The following DGKI variants were observed in gnomAD, a reference collection of about 807,000 sequenced individuals.
DGKI encodes the protein diacylglycerol kinase iota.
Under a neutral mutation model 147.5 loss-of-function variants are expected in DGKI, and 55 were observed. The observed-to-expected ratio is 0.37, with a 90% CI of 0.30 to 0.47. The LOEUF is 0.47. Among genes scored for constraint, DGKI ranks in the 20% least tolerant of loss-of-function variants. DGKI has a pLI of 1.00. For synonymous variants in DGKI, 469 were observed against 477.1 expected (o/e 0.98, Z 0.22); for missense variants, 1,007 against 1,323.8 (o/e 0.76, Z 3.71).
chr7:137,648,385 A>T (rs1407548882), intron 5 of DGKI, among the ~76,000 whole-genome samples: 1 of 152,230 alleles, frequency 6.6e-6, no homozygotes, highest in Non-Finnish European at 1.5e-5. Context: ...CACTGTCCAT[A>T]AATCAACAAT....
intron 27 of DGKI, among the ~76,000 whole-genome samples, chr7:137,459,725 C>T (rs1814355261): frequency 6.6e-6 from 1 of 152,078 alleles, no homozygotes; most frequent in African/African-American, 2.4e-5. Context: ...CCACCCGCCT[C>T]AGCCTCCCAA....
chr7:137,495,502 C>CAAAAAA (rs34551145), intron 21 of DGKI, among the ~76,000 whole-genome samples: 3 of 57,388 alleles, frequency 5.2e-5, no homozygotes, highest in Non-Finnish European at 6.8e-5. Flanking sequence ...CTGGCAGAGA[C>CAAAAAA]AAAAAAAAAA....
At chr7:137,449,233 A>G (rs1813850971) in intron 27 of DGKI, among the ~76,000 whole-genome samples, 2 of 152,198 alleles carry the variant, frequency 1.3e-5, no homozygotes, top group Non-Finnish European at 2.9e-5. Flanking sequence ...CCTAACCTCA[A>G]AATATTTGAC....
chr7:137,839,033 C>T (rs866535323), intron 1 of DGKI, among the ~76,000 whole-genome samples: 46 of 152,308 alleles, frequency 3.0e-4, no homozygotes, highest in South Asian at 2.1e-4. Flanking sequence ...ATCAGCTTAT[C>T]CATTCCTGAC....
At chr7:137,516,657 A>G (rs1816755399) in intron 21 of DGKI, among the ~76,000 whole-genome samples, 1 of 152,064 alleles carries the variant, frequency 6.6e-6, no homozygotes, top group East Asian at 1.9e-4. Flanking sequence ...CACTGAATAA[A>G]TTATGTTATA....
chr7:137,412,218 C>T lies in DGKI; in HGVS notation c.2762-11G>A, dbSNP rs763185545. The stretch of plus-strand genomic sequence containing the variant: ...CTGCCTGCAAAATTGCTGTGAAAGA[C>T]AAAAGAGAGATGTCCCATTAGTAGA... On this transcript the variant is annotated splice_polypyrimidine_tract_variant and intron_variant, in intron 28 of 32. Transcript: ENST00000614521. 6.2e-7 allele frequency: 1 copy of T among 1,612,808 alleles called. No homozygotes were observed. Among genetic ancestry groups the T allele is most frequent in the South Asian group, 1.1e-5 (1 of 91,064 alleles).
At chr7:137,404,948 G>A (rs1201249352) in intron 30 of DGKI, among the ~76,000 whole-genome samples, 1 of 152,174 alleles carries the variant, frequency 6.6e-6, no homozygotes, top group Non-Finnish European at 1.5e-5. Context: ...GGCAAAGTAG[G>A]TGTGTACTGA....
intron 1 of DGKI, among the ~76,000 whole-genome samples, chr7:137,766,290 G>A (rs940448128): frequency 3.3e-5 from 5 of 152,128 alleles, no homozygotes; most frequent in Non-Finnish European, 5.9e-5. Context: ...TGATCTAATC[G>A]GACTTCCATC....
At chr7:137,413,265 C>CAAAAA (rs35856159) in intron 28 of DGKI, among the ~76,000 whole-genome samples, 2 of 92,630 alleles carry the variant, frequency 2.2e-5, no homozygotes, top group Non-Finnish European at 2.2e-5. Context: ...GACTCCATCT[C>CAAAAA]AAAAAAAAAA....
At chr7:137,837,932 T>C (rs918680608) in intron 1 of DGKI, among the ~76,000 whole-genome samples, 1 of 150,078 alleles carries the variant, frequency 6.7e-6, no homozygotes, top group African/African-American at 2.5e-5. Context: ...TTCAATTGCA[T>C]AGGAAAAGAA....
intron 21 of DGKI, among the ~76,000 whole-genome samples, chr7:137,517,279 AAAAGAAAGAAAGAAAGAAAGAAAG>A (rs3051933): frequency 5.1e-4 from 41 of 79,742 alleles, no homozygotes; most frequent in Middle Eastern, 4.9e-3. Flanking sequence ...AAAGAAAAGA[AAAAGAAAGAAAGAAAGAAAGAAAG>A]AAAGAAAGAA....
At chr7:137,591,999 T>C (rs1203877098) in intron 12 of DGKI, among the ~76,000 whole-genome samples, 1 of 152,132 alleles carries the variant, frequency 6.6e-6, no homozygotes, top group Non-Finnish European at 1.5e-5. Context: ...AAAAACAAAA[T>C]GGAAACAAAT....
chr7:137,808,342 G>C (rs1373165206), intron 1 of DGKI, among the ~76,000 whole-genome samples: 1 of 152,122 alleles, frequency 6.6e-6, no homozygotes, highest in Non-Finnish European at 1.5e-5. Flanking sequence ...AATGGTAGGT[G>C]CCATTTATTG....
chr7:137,537,756 G>T (rs1817567248), intron 20 of DGKI, among the ~76,000 whole-genome samples: 1 of 152,180 alleles, frequency 6.6e-6, no homozygotes, highest in Non-Finnish European at 1.5e-5. Flanking sequence ...TTAGCCACCA[G>T]CAGCTTAATT....
chr7:137,382,812 G>T lies in DGKI; in HGVS notation c.*8408C>A, dbSNP rs1811090447. ...AGCAGGTCTTTTCTGCAAGACTCTG[G>T]ATATGGATTCATTTCTTAAAATTAC... On this transcript the variant is annotated 3_prime_UTR_variant, in exon 33 of 33. Transcript: ENST00000614521. 1 of 151,966 alleles carries T rather than the reference G, an allele frequency of 6.6e-6. No individual in the cohort carries two copies. Among genetic ancestry groups the T allele is most frequent in the Admixed American group, 6.6e-5 (1 of 15,214 alleles). The allele number at this position is 151,966 out of a possible 1,614,324, so 9.4% of individuals were successfully genotyped here. A position where few individuals can be genotyped will look rare whatever the true frequency, so the allele number is the denominator to read the frequency against.
At chr7:137,469,644 G>C (rs766789033) in intron 23 of DGKI, 25 bp from the exon 24 acceptor site, 11 of 1,609,354 alleles carry the variant, frequency 6.8e-6, no homozygotes, top group Admixed American at 6.7e-5. Flanking sequence ...ACACACTCTA[G>C]TGGCTGCATT....
chr7:137,756,011 T>G (rs1795667003), intron 1 of DGKI, among the ~76,000 whole-genome samples: 1 of 152,186 alleles, frequency 6.6e-6, no homozygotes, highest in Admixed American at 6.5e-5. Flanking sequence ...GAGCCAGACA[T>G]TCAACAAACA....
At chr7:137,555,613 A>G (rs1818198797) in intron 19 of DGKI, among the ~76,000 whole-genome samples, 1 of 152,178 alleles carries the variant, frequency 6.6e-6, no homozygotes, top group African/African-American at 2.4e-5. Flanking sequence ...TTAGGAAAAC[A>G]ATAAATCGAA....
chr7:137,706,401 G>C (rs1298256699), intron 1 of DGKI, among the ~76,000 whole-genome samples: 1 of 151,656 alleles, frequency 6.6e-6, no homozygotes, highest in Non-Finnish European at 1.5e-5. Flanking sequence ...AAAACAAAAT[G>C]TTAGGTCTTA....
Sources: gnomAD v4.1 joint callset for allele counts (sites outside exome capture counted in the v4.1 genomes callset) on GRCh38, gnomAD v4.1.1 for gene constraint, MANE v1.5 for transcripts, NCBI Gene and HGNC (gene_info 2026-07-23, HGNC 2026-07-21) for gene names.